Variants in SCNN1A observed in about 807,000 individuals in gnomAD.
SCNN1A encodes the protein sodium channel epithelial 1 subunit alpha, also known as epithelial sodium channel subunit alpha.
In SCNN1A, 65 loss-of-function variants were observed where a neutral mutation model predicts 68.6. That is an observed-to-expected ratio of 0.95 (90% CI 0.78 to 1.16). The LOEUF is 1.16. Ranked by LOEUF, SCNN1A falls within the 50% of genes most tolerant of loss-of-function variation. SCNN1A has a pLI of 0.00. For missense variants in SCNN1A, 880 were observed against 865.9 expected (o/e 1.02, Z -0.20); for synonymous variants, 357 against 353.3 (o/e 1.01, Z -0.12).
At chr12:6,373,296 C>A (rs1948827510) in intron 2 of SCNN1A, among the ~76,000 whole-genome samples, 1 of 152,088 alleles carries the variant, frequency 6.6e-6, no homozygotes, top group Admixed American at 6.5e-5. Context: ...CACACTCACA[C>A]CCACACCCAT....
chr12:6,374,644 G>A lies in SCNN1A; in HGVS notation c.140C>T (p.Ala47Val). The change falls in exon 2 of 13, where the codon GCC becomes GTC. Residue 47 changes from alanine (A) to valine (V), a missense_variant. Coordinates refer to ENST00000228916, the MANE Select transcript of SCNN1A (RefSeq NM_001038.6). The surrounding 1 kb of genome is among the most constrained non-coding windows in gnomAD (Gnocchi z 6.2). ...GTAGGAGCGGTGGAACTCGATCAGG[G>A]CCTCCTCCTCCGCCGTGGGCTGCTG... ...APQQPTAEEE[A>V]LIEFHRSYRE... The A allele has an allele frequency of 6.2e-7, 1 of 1,613,612 alleles. No individual in the cohort carries two copies. Among genetic ancestry groups the A allele is most frequent in the Non-Finnish European group, 8.5e-7 (1 of 1,179,768 alleles).
rs1948757711 is a variant in SCNN1A at position 6,369,971 on chromosome 12, T to C, written c.416+4397A>G. ...CTAAACAGAAAGCACATTGAAGACATCCGATCTTGTTTTGAGGAGACCAGC... is the reference window on the plus strand; with the variant it reads ...CTAAACAGAAAGCACATTGAAGACACCCGATCTTGTTTTGAGGAGACCAGC... On this transcript the variant is annotated intron_variant, in intron 2 of 12. Coordinates refer to ENST00000228916, the MANE Select transcript of SCNN1A (RefSeq NM_001038.6). Among the ~76,000 whole-genome samples, 4 of 151,904 alleles carry C rather than the reference T, an allele frequency of 2.6e-5. No homozygotes were observed. In the South Asian group the frequency reaches 6.2e-4, roughly 24 times the overall value.
rs1948886775 is a variant in SCNN1A at position 6,375,377 on chromosome 12, T to G, written c.-55+128A>C. ...CCTCGAGCTGTGTCCTGATTCTGTC[T>G]CTGCCCCAGGACTGCAGGGCTCCAG... On this transcript the variant is annotated intron_variant, in intron 1 of 12. Transcript: ENST00000228916. 4 of 1,471,308 alleles carry G rather than the reference T, an allele frequency of 2.7e-6. No homozygotes were observed. The African/African-American group carries it at 4.2e-5, about 16-fold the overall frequency. The allele number at this position is 1,471,308 out of a possible 1,614,324, so 91.1% of individuals were successfully genotyped here.
At chr12:6,375,034 G>C in intron 1 of SCNN1A, 197 bp from the exon 2 acceptor site, 6 of 1,540,076 alleles carry the variant, frequency 3.9e-6, no homozygotes, top group Non-Finnish European at 3.5e-6. Context: ...AGACCTGCGG[G>C]AGTTGGGGCC....
chr12:6,362,477 C>T (rs1186923592), intron 3 of SCNN1A, among the ~76,000 whole-genome samples: 3 of 152,124 alleles, frequency 2.0e-5, no homozygotes, highest in African/African-American at 7.2e-5. Flanking sequence ...GCTGCACACA[C>T]ACGGTTTTGG....
In SCNN1A at chr12:6,363,622, T is replaced by C. The variant is rs1948622123; in HGVS notation, c.505A>G (p.Thr169Ala). The C allele has an allele frequency of 6.2e-7, 1 of 1,612,620 alleles. No individual in the cohort carries two copies. The highest frequency in any genetic ancestry group is 1.7e-5 in the Admixed American group (1 of 59,906). ...CGGCTGCGGGAGCCGGCCACGAGAG[T>C]GGTGAAGGAGCTGTATTTGTACAGG... ...FDLYKYSSFT[T>A]LVAGSRSRRD... Residue 169 changes from threonine (T) to alanine (A), a missense_variant, in exon 3 of 13, where the codon ACT becomes GCT. Thr to Ala is a moderately conservative substitution (Grantham distance 58). This residue lies in a region of SCNN1A where 758 missense variants were observed against 721.8 expected (regional missense o/e 1.05). Coordinates refer to ENST00000228916, the MANE Select transcript of SCNN1A (RefSeq NM_001038.6).
At chr12:6,373,024 T>C (rs1948820779) in intron 2 of SCNN1A, among the ~76,000 whole-genome samples, 1 of 152,072 alleles carries the variant, frequency 6.6e-6, no homozygotes, top group Admixed American at 6.6e-5. Flanking sequence ...GAGAATGAAA[T>C]GAGATACCCA....
intron 1 of SCNN1A, chr12:6,375,276 T>C (rs1592090247): frequency 4.2e-6 from 6 of 1,438,790 alleles, no homozygotes; most frequent in Non-Finnish European, 4.5e-6. Flanking sequence ...CTCTCTCTAA[T>C]CCTGCCTCTC....
chr12:6,360,184 G>GA (rs1948559985), intron 4 of SCNN1A, among the ~76,000 whole-genome samples: 1 of 152,244 alleles, frequency 6.6e-6, no homozygotes, highest in African/African-American at 2.4e-5. Flanking sequence ...GTTGCAGAAG[G>GA]AAGGGAGGAT....
Position 6,347,894 on chromosome 12 carries a change from G to T in SCNN1A, c.1989C>A (p.Thr663=). 1 of 1,602,218 alleles carries T rather than the reference G, an allele frequency of 6.2e-7. No individual in the cohort carries two copies. The change falls in exon 13 of 13, where the codon ACC becomes ACA. Residue 663 remains threonine (T), a synonymous_variant. Coordinates refer to ENST00000228916, the MANE Select transcript of SCNN1A (RefSeq NM_001038.6). The stretch of plus-strand genomic sequence containing the variant: ...CCTCTCAGGGCCCCCCCAGAGGACA[G>T]GTGGAGGAACTGGCCCCTGCAGAGC... ...PGGSAGASSS[T]CPLGGP
intron 2 of SCNN1A, among the ~76,000 whole-genome samples, chr12:6,365,781 G>T (rs1339264016): frequency 6.6e-6 from 1 of 152,140 alleles, no homozygotes; most frequent in Non-Finnish European, 1.5e-5. Flanking sequence ...CTGACCTTGG[G>T]GTAGGCAAAA....
Position 6,363,474 on chromosome 12 carries a change from T to C in SCNN1A, c.653A>G (p.Asp218Gly), listed in dbSNP as rs1463338372. ...GAAGCCGATCTTCCAGTCCTTCCAG[T>C]CCACCTGGGGGTTGTTGTCCCGCAA... is the stretch of plus-strand genomic sequence containing the variant. ...SSLRDNNPQVDWKDWKIGFQL... is the reference protein window; with the variant it reads ...SSLRDNNPQVGWKDWKIGFQL... The change falls in exon 3 of 13, where the codon GAC becomes GGC. Residue 218 changes from aspartate to glycine, a missense_variant. Physicochemically the swap from Asp to Gly is moderately conservative, Grantham distance 94 (BLOSUM62 -1). This residue lies in a region of SCNN1A where 758 missense variants were observed against 721.8 expected (regional missense o/e 1.05). Coordinates refer to ENST00000228916, the MANE Select transcript of SCNN1A (RefSeq NM_001038.6). 1.9e-6 allele frequency: 3 copies of C among 1,602,872 alleles called. No individual in the cohort carries two copies. The highest frequency in any genetic ancestry group is 2.2e-5 in the South Asian group (2 of 89,628).
At chr12:6,370,846 C>G (rs1363944458) in intron 2 of SCNN1A, among the ~76,000 whole-genome samples, 1 of 152,224 alleles carries the variant, frequency 6.6e-6, no homozygotes, top group African/African-American at 2.4e-5. Context: ...CCATGACCTC[C>G]TTCATTGTTC....
At chr12:6,355,657 C>T (rs1000904281) in intron 5 of SCNN1A, 120 bp downstream of exon 5, 1 of 914,910 alleles carries the variant, frequency 1.1e-6, no homozygotes, top group South Asian at 1.3e-5. Context: ...CTATGTGGCA[C>T]CTATTGGGGA....
chr12:6,348,546 G>A (rs1375930800), intron 12 of SCNN1A, among the ~76,000 whole-genome samples, 181 bp downstream of exon 12: 2 of 100,430 alleles, frequency 2.0e-5, no homozygotes, highest in South Asian at 3.7e-4. Flanking sequence ...GAGACCTTAT[G>A]CCCCGGCCGA....
chr12:6,373,304 C>T (rs891534859), intron 2 of SCNN1A, among the ~76,000 whole-genome samples: 2 of 152,150 alleles, frequency 1.3e-5, no homozygotes, highest in Non-Finnish European at 2.9e-5. Flanking sequence ...CACCCACACC[C>T]ATAAAGATTT....
At position 6,355,837 on chromosome 12, in the gene SCNN1A, T is replaced by C; in HGVS notation, c.919A>G (p.Thr307Ala). ...TTGGAGTTGTTCTTGTCATTGAAAG[T>C]ATAGCAGTTTCCATACATCGGGTGG... ...FHHPMYGNCYTFNDKNNSNLW... is the reference protein window; with the variant it reads ...FHHPMYGNCYAFNDKNNSNLW... Residue 307 changes from threonine to alanine, a missense_variant, in exon 5 of 13, where the codon ACT (threonine) becomes GCT (alanine). Physicochemically the swap from Thr to Ala is moderately conservative, Grantham distance 58. Transcript: ENST00000228916. 1 of 1,613,688 alleles carries C rather than the reference T, an allele frequency of 6.2e-7. No individual in the cohort carries two copies.
At chr12:6,363,324 G>GACTTAC in intron 3 of SCNN1A, 119 bp downstream of exon 3, 1 of 736,050 alleles carries the variant, frequency 1.4e-6, no homozygotes, top group Admixed American at 4.1e-5. Flanking sequence ...GAGCCCACGA[G>GACTTAC]GCCCCGCGTG....
rs1200270245 is a variant in SCNN1A at position 6,363,461 on chromosome 12, C to T, written c.666G>A (p.Trp222Ter). The stretch of plus-strand genomic sequence containing the variant: ...GCCTCACCAGCTGGAAGCCGATCTT[C>T]CAGTCCTTCCAGTCCACCTGGGGGT... ...DNNPQVDWKDWKIGFQLCNQN... is the reference protein window; with the variant it reads ...DNNPQVDWKD Residue 222 changes from tryptophan to a stop codon, truncating the protein, a stop_gained, in exon 3 of 13, where the codon TGG (tryptophan) becomes TGA (stop). Coordinates refer to ENST00000228916, the MANE Select transcript of SCNN1A (RefSeq NM_001038.6). LOFTEE classifies it high-confidence loss of function. The T allele has an allele frequency of 1.9e-6, 3 of 1,596,938 alleles. No homozygotes were observed. The highest frequency in any genetic ancestry group is 2.3e-5 in the East Asian group (1 of 44,020).
Sources: allele counts gnomAD v4.1 joint callset (sites outside exome capture counted in the v4.1 genomes callset), GRCh38; gene constraint gnomAD v4.1.1; regional missense constraint gnomAD v4.1.1; non-coding constraint Gnocchi (gnomAD v3.1); transcripts MANE v1.5; gene names NCBI Gene and HGNC (gene_info 2026-07-23, HGNC 2026-07-21).